The following RYR2 variants were observed in gnomAD, a reference collection of about 807,000 sequenced individuals.
RYR2 encodes ryanodine receptor 2.
A neutral mutation model predicts 601.1 loss-of-function variants in RYR2; 227 were observed. The observed-to-expected ratio is 0.38, with a 90% CI of 0.34 to 0.42. The LOEUF is 0.42. RYR2 is among the 10% of genes least tolerant of loss of function. The pLI is 1.00. For missense variants in RYR2, 4,646 were observed against 6,156.5 expected (o/e 0.75, Z 8.21); for synonymous variants, 2,223 against 2,175.1 (o/e 1.02, Z -0.61).
intron 1 of RYR2, among the ~76,000 whole-genome samples, chr1:237,208,128 C>T (rs1682022394): frequency 6.6e-6 from 1 of 152,192 alleles, no homozygotes; most frequent in Admixed American, 6.5e-5. Context: ...CACCGGCACA[C>T]CATATGCATG....
At chr1:237,631,925 G>A (rs1759120) in intron 42 of RYR2, among the ~76,000 whole-genome samples, 79,281 of 151,510 alleles carry the variant, frequency 0.52, 21,182 homozygotes, top group African/African-American at 0.58. Flanking sequence ...GAGCCACCGC[G>A]CCCAGCCCAG....
intron 1 of RYR2, among the ~76,000 whole-genome samples, chr1:237,067,834 C>T (rs572182405): frequency 2.0e-5 from 3 of 152,212 alleles, no homozygotes; most frequent in African/African-American, 7.2e-5. Context: ...TAACATCCTG[C>T]GCTTTAATTA....
intron 62 of RYR2, among the ~76,000 whole-genome samples, chr1:237,685,811 A>G (rs1340974191): frequency 1.3e-5 from 2 of 152,194 alleles, no homozygotes; most frequent in Non-Finnish European, 2.9e-5. Context: ...TCTTATGTCT[A>G]GTAGCCACTT....
intron 1 of RYR2, among the ~76,000 whole-genome samples, chr1:237,118,878 A>G (rs1211802481): frequency 6.6e-6 from 1 of 152,124 alleles, no homozygotes; most frequent in African/African-American, 2.4e-5. Flanking sequence ...AAGAAACCGG[A>G]ACTACTTAGT....
At chr1:237,187,185 T>C (rs1332825898) in intron 1 of RYR2, among the ~76,000 whole-genome samples, 2 of 152,014 alleles carry the variant, frequency 1.3e-5, no homozygotes, top group African/African-American at 4.8e-5. Context: ...TTTTTTTTTT[T>C]TTTGAGGTGG....
At chr1:237,569,069 G>T (rs1263912443) in intron 28 of RYR2, 76 bp from the exon 29 acceptor site, 40 of 1,354,118 alleles carry the variant, frequency 3.0e-5, no homozygotes, top group Non-Finnish European at 4.1e-5. Context: ...CTGCTGTTAG[G>T]TCGTGACAGA....
intron 84 of RYR2, among the ~76,000 whole-genome samples, chr1:237,767,039 A>T (rs1693898351): frequency 1.1e-5 from 1 of 91,154 alleles, no homozygotes; most frequent in Non-Finnish European, 2.5e-5. Flanking sequence ...TAGACTTCAA[A>T]GCACTTTTAA....
chr1:237,816,323 T>C (rs1205154006), intron 100 of RYR2, among the ~76,000 whole-genome samples: 5 of 152,216 alleles, frequency 3.3e-5, no homozygotes, highest in Non-Finnish European at 7.3e-5. Flanking sequence ...GGAAAGAAGC[T>C]GTGTTAACCA....
At chr1:237,591,875 C>G (rs184523301) in intron 32 of RYR2, 22 bp downstream of exon 32, 1 of 1,565,738 alleles carries the variant, frequency 6.4e-7, no homozygotes, top group East Asian at 2.3e-5. Flanking sequence ...CAGCTTTTGT[C>G]GTTTATTTCT....
At chr1:237,687,886 A>G (rs979086432) in intron 63 of RYR2, among the ~76,000 whole-genome samples, 3 of 152,086 alleles carry the variant, frequency 2.0e-5, no homozygotes, top group Non-Finnish European at 4.4e-5. Flanking sequence ...AAAATTTTAA[A>G]CTGCACTTAT....
intron 1 of RYR2, among the ~76,000 whole-genome samples, chr1:237,159,935 A>G (rs1675823818): frequency 6.6e-6 from 1 of 152,214 alleles, no homozygotes; most frequent in Non-Finnish European, 1.5e-5. Context: ...GCCACCTTAT[A>G]GTATGTATTA....
rs1420557474 is a variant in RYR2, at chr1:237,532,498, C to A, written c.2906+1988C>A. Among the ~76,000 whole-genome samples, 3 of 151,970 alleles carry A rather than the reference C, an allele frequency of 2.0e-5. No individual in the cohort carries two copies. The South Asian group carries it at 6.2e-4, about 32-fold the overall frequency. ...AATCTACCTAACTTCCAAAAGAATT[C>A]ATTATCCTCTCATTTTCATTATCCT... is the stretch of plus-strand genomic sequence containing the variant. On this transcript the variant is annotated intron_variant, in intron 25 of 104. Coordinates refer to ENST00000366574, the MANE Select transcript of RYR2 (RefSeq NM_001035.3).
At chr1:237,131,358 T>G (rs562868978) in intron 1 of RYR2, among the ~76,000 whole-genome samples, 1 of 152,206 alleles carries the variant, frequency 6.6e-6, no homozygotes, top group Non-Finnish European at 1.5e-5. Flanking sequence ...TTAAATGGAA[T>G]GTTTAGTATT....
chr1:237,590,073 C>T, intron 30 of RYR2, 72 bp downstream of exon 30: 1 of 1,324,306 alleles, frequency 7.6e-7, no homozygotes, highest in South Asian at 1.4e-5. Flanking sequence ...AAAGGAACTT[C>T]TGCTTAGACA....
chr1:237,667,756 T>C (rs1684452702), intron 57 of RYR2, 127 bp from the exon 58 acceptor site: 1 of 641,772 alleles, frequency 1.6e-6, no homozygotes, highest in Non-Finnish European at 2.6e-6. Flanking sequence ...GTGTTTGATA[T>C]CTTTTAAATG....
chr1:237,503,602 A>C, intron 22 of RYR2, 97 bp downstream of exon 22: 3 of 1,112,190 alleles, frequency 2.7e-6, no homozygotes, highest in South Asian at 1.4e-5. Flanking sequence ...AACGAATTTC[A>C]CAGTAATACA....
intron 8 of RYR2, among the ~76,000 whole-genome samples, chr1:237,385,839 A>G (rs965578916): frequency 6.6e-6 from 1 of 152,238 alleles, no homozygotes; most frequent in Admixed American, 6.5e-5. Flanking sequence ...GCCAGATGCT[A>G]GGAACACAGC....
intron 29 of RYR2, among the ~76,000 whole-genome samples, chr1:237,581,743 G>A (rs1572964223): frequency 6.6e-6 from 1 of 152,288 alleles, no homozygotes; most frequent in East Asian, 1.9e-4. Context: ...AACAGCTGAA[G>A]TTCCTGTCAC....
intron 92 of RYR2, among the ~76,000 whole-genome samples, chr1:237,791,117 C>T (rs879477420): frequency 7.9e-5 from 12 of 152,346 alleles, no homozygotes; most frequent in Admixed American, 7.8e-4. Flanking sequence ...GATAAACCTT[C>T]CCAGACCAAC....
Sources: allele counts gnomAD v4.1 joint callset (sites outside exome capture counted in the v4.1 genomes callset), GRCh38; gene constraint gnomAD v4.1.1; transcripts MANE v1.5; gene names NCBI Gene and HGNC (gene_info 2026-07-23, HGNC 2026-07-21).